The following ACADL variants were observed in gnomAD, a reference collection of about 807,000 sequenced individuals.
The protein encoded by ACADL is long-chain specific acyl-CoA dehydrogenase, mitochondrial.
Under a neutral mutation model 56.9 loss-of-function variants are expected in ACADL, and 60 were observed. The ratio of observed to expected loss-of-function variants is 1.05; its 90% CI spans 0.86 to 1.31. ACADL has a LOEUF of 1.31. Among genes scored for constraint, ACADL ranks in the 50% most tolerant of loss-of-function variants. The pLI, the probability that ACADL is intolerant of heterozygous loss-of-function variation, is 0.00. For missense variants in ACADL, 484 were observed against 525.5 expected (o/e 0.92, Z 0.77); for synonymous variants, 158 against 179.7 (o/e 0.88, Z 0.97).
intron 1 of ACADL, among the ~76,000 whole-genome samples, chr2:210,223,626 G>A (rs1299896258): frequency 6.6e-6 from 1 of 152,136 alleles, no homozygotes; most frequent in Non-Finnish European, 1.5e-5. Context: ...TTCTTGCCAT[G>A]CTTCAATCAA....
intron 4 of ACADL, among the ~76,000 whole-genome samples, chr2:210,211,561 T>G (rs960995729): frequency 6.6e-6 from 1 of 152,066 alleles, no homozygotes; most frequent in African/African-American, 2.4e-5. Context: ...ATCATGAGAT[T>G]TGGTTGTTTA....
chr2:210,202,312 C>A (rs898330004), intron 8 of ACADL, among the ~76,000 whole-genome samples: 1 of 152,056 alleles, frequency 6.6e-6, no homozygotes, highest in Admixed American at 6.6e-5. Context: ...ACGCTAGTCT[C>A]GAACTCCTGA....
chr2:210,197,462 T>C (rs1688728504), intron 8 of ACADL, among the ~76,000 whole-genome samples: 1 of 152,082 alleles, frequency 6.6e-6, no homozygotes, highest in Non-Finnish European at 1.5e-5. Context: ...AACCCACACA[T>C]TGAAGTTTAC....
At chr2:210,202,158 T>C (rs539681044) in intron 8 of ACADL, among the ~76,000 whole-genome samples, 2 of 152,190 alleles carry the variant, frequency 1.3e-5, no homozygotes, top group Non-Finnish European at 2.9e-5. Context: ...AGTGGTGCGA[T>C]CTTGGCTCAC....
intron 5 of ACADL, chr2:210,209,467 G>A (rs984730978): frequency 6.6e-6 from 1 of 151,950 alleles, no homozygotes; most frequent in Non-Finnish European, 1.5e-5. Flanking sequence ...GATTAATTTA[G>A]TAGAACTGAA....
At chr2:210,213,449 G>A (rs538495564) in intron 4 of ACADL, among the ~76,000 whole-genome samples, 6 of 152,044 alleles carry the variant, frequency 3.9e-5, no homozygotes, top group South Asian at 2.1e-4. Flanking sequence ...GCAGTGAGCC[G>A]AGATCGCGCC....
intron 10 of ACADL, among the ~76,000 whole-genome samples, chr2:210,189,714 C>T (rs777265513): frequency 1.3e-5 from 2 of 151,958 alleles, no homozygotes; most frequent in Non-Finnish European, 1.5e-5. Flanking sequence ...TGATAACAAC[C>T]GTACCACTGT....
chr2:210,215,771 T>G (rs1269567163), intron 4 of ACADL, among the ~76,000 whole-genome samples: 2 of 152,134 alleles, frequency 1.3e-5, no homozygotes, highest in African/African-American at 4.8e-5. Context: ...TTTGTTTCCT[T>G]CACAGTACTT....
chr2:210,216,273 T>G lies in ACADL; in HGVS notation c.536+74A>C, dbSNP rs1458393445. 7 of 1,514,418 alleles carry G rather than the reference T, an allele frequency of 4.6e-6. No homozygotes were observed. The Admixed American group carries it at 1.2e-4, about 25-fold the overall frequency. 93.8% of individuals were successfully genotyped at this position (1,514,418 alleles called of 1,614,324 possible). A position where few individuals can be genotyped will look rare whatever the true frequency, so the allele number is the denominator to read the frequency against. The stretch of plus-strand genomic sequence containing the variant: ...TCCTCCTAGCATATAGCTCAGTCTA[T>G]GTATTAACCAAGTACTAAGAAAATG... On this transcript the variant is annotated intron_variant, in intron 4 of 10. Coordinates refer to ENST00000233710, the MANE Select transcript of ACADL (RefSeq NM_001608.4).
chr2:210,214,499 G>GAAAGAAAGA (rs1689044490), intron 4 of ACADL, among the ~76,000 whole-genome samples: 1 of 150,448 alleles, frequency 6.6e-6, no homozygotes, highest in African/African-American at 2.5e-5. Flanking sequence ...AAGAAAGAAA[G>GAAAGAAAGA]AAAGAAAGAA....
intron 1 of ACADL, among the ~76,000 whole-genome samples, chr2:210,222,357 G>T (rs1471728151): frequency 6.6e-6 from 1 of 151,942 alleles, no homozygotes; most frequent in Non-Finnish European, 1.5e-5. Flanking sequence ...AGAGGTTGCC[G>T]TATGAAATAA....
Position 210,210,302 on chromosome 2 carries a change from A to G in ACADL, c.537-40T>C, listed in dbSNP as rs368935556. 9.5e-4 allele frequency: 1,358 copies of G among 1,428,522 alleles called. 25 individuals carry two copies. The South Asian group carries it at 0.015, about 15-fold the overall frequency. The allele number at this position is 1,428,522 out of a possible 1,614,324, so 88.5% of individuals were successfully genotyped here. On this transcript the variant is annotated intron_variant, in intron 4 of 10. Transcript: ENST00000233710. Reference sequence around the variant, plus strand: ...AAAGATAAAAAATTCATCAAATGATAAAAATTAAATTATACAAATGATATA... The same window carrying G: ...AAAGATAAAAAATTCATCAAATGATGAAAATTAAATTATACAAATGATATA...
At chr2:210,223,362 A>C (rs1689208470) in intron 1 of ACADL, among the ~76,000 whole-genome samples, 1 of 152,216 alleles carries the variant, frequency 6.6e-6, no homozygotes, top group African/African-American at 2.4e-5. Context: ...GTTTTTTTAA[A>C]GTCTCCTACA....
chr2:210,202,571 C>T (rs2125711687), intron 8 of ACADL, among the ~76,000 whole-genome samples: 1 of 152,238 alleles, frequency 6.6e-6, no homozygotes, highest in Non-Finnish European at 1.5e-5. Context: ...TCCACAAACT[C>T]ACCCTTTCTC....
chr2:210,195,664 G>A (rs994017255), intron 8 of ACADL, among the ~76,000 whole-genome samples: 3 of 152,106 alleles, frequency 2.0e-5, no homozygotes, highest in African/African-American at 7.2e-5. Context: ...CCATCTTGTG[G>A]TACAGTTATT....
At position 210,206,321 on chromosome 2, in the gene ACADL, C is replaced by T. The variant is rs191797484; in HGVS notation, c.604-525G>A. Among the ~76,000 whole-genome samples the T allele has an allele frequency of 1.4e-3, 214 of 152,204 alleles. 3 individuals are homozygous for T. The highest frequency in any genetic ancestry group is 0.014 in the Admixed American group (214 of 15,286). On this transcript the variant is annotated intron_variant, in intron 5 of 10. Coordinates refer to ENST00000233710, the MANE Select transcript of ACADL (RefSeq NM_001608.4). ...GTGCACCTATATATAGTCCAAGCTA[C>T]TCAGGAAGCTGAGGCAGGAGGATCG...
At chr2:210,210,971 C>T (rs1688969464) in intron 4 of ACADL, among the ~76,000 whole-genome samples, 1 of 151,736 alleles carries the variant, frequency 6.6e-6, no homozygotes, top group Non-Finnish European at 1.5e-5. Context: ...GTCTCAAATG[C>T]CATTTTTTTC....
intron 3 of ACADL, among the ~76,000 whole-genome samples, chr2:210,216,890 A>C (rs1286538159): frequency 1.3e-5 from 2 of 152,060 alleles, no homozygotes; most frequent in African/African-American, 4.8e-5. Flanking sequence ...AAGAACAAAA[A>C]TAAAAAATAA....
At chr2:210,218,447 A>AT in intron 2 of ACADL, 1 of 247,498 alleles carries the variant, frequency 4.0e-6, no homozygotes, top group Non-Finnish European at 7.9e-6. Context: ...GGCCAGGCTA[A>AT]TTAAAAAAAA....
Sources: allele counts gnomAD v4.1 joint callset (sites outside exome capture counted in the v4.1 genomes callset), GRCh38; gene constraint gnomAD v4.1.1; transcripts MANE v1.5; gene names NCBI Gene and HGNC (gene_info 2026-07-23, HGNC 2026-07-21).